The following PMFBP1 variants were observed in gnomAD, a reference collection of about 807,000 sequenced individuals.
PMFBP1 encodes the protein polyamine modulated factor 1 binding protein 1.
PMFBP1 carries 131 observed loss-of-function variants against 137.8 expected under a neutral mutation model. The observed-to-expected ratio is 0.95, with a 90% CI of 0.82 to 1.10. PMFBP1 has a LOEUF of 1.10. Ranked by LOEUF, PMFBP1 falls within the 50% of genes least tolerant of loss-of-function variation. PMFBP1 has a pLI of 0.00. For synonymous variants in PMFBP1, 490 were observed against 450.4 expected, an observed-to-expected ratio of 1.09 and a Z score of -1.11; for missense variants, 1,199 against 1,175.4, an observed-to-expected ratio of 1.02 and a Z score of -0.29.
intron 19 of PMFBP1, among the ~76,000 whole-genome samples, chr16:72,120,790 T>A (rs184915055): frequency 6.6e-6 from 1 of 152,208 alleles, no homozygotes. Context: ...CACGTTGGAA[T>A]TGTGACTCTG....
the PMFBP1 span, among the ~76,000 whole-genome samples, chr16:72,219,210 T>C: frequency 7.9e-5 from 12 of 152,206 alleles, no homozygotes; most frequent in African/African-American, 2.9e-4. Context: ...GATGTATTAC[T>C]GAGGATTGTG....
chr16:72,145,787 G>T (rs1237517234), intron 5 of PMFBP1, among the ~76,000 whole-genome samples: 1 of 152,280 alleles, frequency 6.6e-6, no homozygotes, highest in South Asian at 2.1e-4. Context: ...TAGAAGAAAT[G>T]GATAAATTCC....
the PMFBP1 span, among the ~76,000 whole-genome samples, chr16:72,206,484 T>C: frequency 6.6e-6 from 1 of 152,200 alleles, no homozygotes; most frequent in Non-Finnish European, 1.5e-5. Context: ...TCAGGAACAA[T>C]GCACTGAAAT....
At position 72,123,670 on chromosome 16, in the gene PMFBP1, G is replaced by A. The variant is rs1418331060; in HGVS notation, c.2590-21C>T. On this transcript the variant is annotated intron_variant, in intron 17 of 20. Coordinates refer to ENST00000237353, the MANE Select transcript of PMFBP1 (RefSeq NM_031293.3). ...CAGGGCTTGGGTACAAGAAGAAAAC[G>A]AGACAGTCAGAGGTGGGAGCACAGG... 1.4e-5 allele frequency: 23 copies of A among 1,605,142 alleles called. 1 individual carries two copies. In the East Asian group the frequency reaches 1.6e-4, roughly 11 times the overall value.
chr16:72,149,878 G>C (rs548199581), intron 5 of PMFBP1, among the ~76,000 whole-genome samples: 30 of 152,096 alleles, frequency 2.0e-4, no homozygotes, highest in South Asian at 4.1e-4. Flanking sequence ...ATTTATATAT[G>C]TAACTGTATA....
the PMFBP1 span, among the ~76,000 whole-genome samples, chr16:72,202,675 C>T: frequency 6.6e-6 from 1 of 152,196 alleles, no homozygotes; most frequent in Admixed American, 6.5e-5. Flanking sequence ...ACTGCACTAG[C>T]TCTGGTGCCA....
In PMFBP1 at chr16:72,130,522, AG is replaced by A; in HGVS notation, c.1637+10del. 2 of 1,613,894 alleles carry A rather than the reference AG, an allele frequency of 1.2e-6. No homozygotes were observed. Among genetic ancestry groups the A allele is most frequent in the Non-Finnish European group, 8.5e-7 (1 of 1,179,888 alleles). The stretch of plus-strand genomic sequence containing the variant: ...GAACCTCTCTCTGGAGGGGAGCCTG[AG>A]CCTGGGCACCTGTTGGAGGTTTGTT... On this transcript the variant is annotated intron_variant, in intron 11 of 20. Transcript: ENST00000237353.
intron 6 of PMFBP1, 63 bp from the exon 7 acceptor site, chr16:72,139,462 A>G (rs144273263): frequency 2.5e-6 from 3 of 1,221,962 alleles, no homozygotes; most frequent in Non-Finnish European, 3.6e-6. Flanking sequence ...TACCATGACT[A>G]TTATTTCAGA....
At chr16:72,176,051 T>C (rs373662207), upstream of PMFBP1, among the ~76,000 whole-genome samples, 7 of 151,790 alleles carry the variant, frequency 4.6e-5, no homozygotes, top group South Asian at 2.1e-4. Context: ...TAGGGGGAGA[T>C]GGTATGAGGA....
rs7186117 is a variant in PMFBP1 at position 72,119,336 on chromosome 16, T to A, written c.*2A>T. On this transcript the variant is annotated 3_prime_UTR_variant, in exon 21 of 21. Transcript: ENST00000237353. The stretch of plus-strand genomic sequence containing the variant: ...AATGCTGCTCAGGGCTAGATGTGGA[T>A]TCTAGCAGTATGAGGAACCTGAGGG... 7.7e-3 allele frequency: 12,352 copies of A among 1,613,584 alleles called. 825 individuals carry two copies. In the African/African-American group the frequency reaches 0.15, roughly 19 times the overall value.
the PMFBP1 span, among the ~76,000 whole-genome samples, chr16:72,225,797 TCA>T: frequency 6.6e-6 from 1 of 151,380 alleles, no homozygotes; most frequent in Non-Finnish European, 1.5e-5. Context: ...ATAATCCTTT[TCA>T]CATAGCCCAT....
the PMFBP1 span, among the ~76,000 whole-genome samples, chr16:72,183,001 G>T: frequency 6.6e-6 from 1 of 152,008 alleles, no homozygotes; most frequent in Non-Finnish European, 1.5e-5. Context: ...ATTCTGCCCT[G>T]CCAGGTCCCC....
At chr16:72,174,850 T>C (rs984587587), upstream of PMFBP1, among the ~76,000 whole-genome samples, 1 of 152,172 alleles carries the variant, frequency 6.6e-6, no homozygotes, top group Non-Finnish European at 1.5e-5. Context: ...TCACAACACA[T>C]GGGGATTGTG....
the PMFBP1 span, among the ~76,000 whole-genome samples, chr16:72,249,913 T>C: frequency 4.6e-5 from 4 of 87,878 alleles, no homozygotes; most frequent in African/African-American, 2.0e-4. Context: ...ACAGCGAGAC[T>C]CCATCGCAAA....
chr16:72,212,482 G>GGA, the PMFBP1 span, among the ~76,000 whole-genome samples: 2 of 136,510 alleles, frequency 1.5e-5, no homozygotes, highest in Admixed American at 7.1e-5. Context: ...GGGTTGTATT[G>GGA]GAAAAAAAAA....
upstream of PMFBP1, among the ~76,000 whole-genome samples, chr16:72,172,818 T>TA (rs747283759): frequency 2.6e-5 from 4 of 152,086 alleles, no homozygotes; most frequent in East Asian, 5.8e-4. Flanking sequence ...ACTTTGTTGC[T>TA]AAAAAAATGC....
intron 2 of PMFBP1, among the ~76,000 whole-genome samples, chr16:72,168,039 T>C (rs895373698): frequency 3.3e-5 from 5 of 152,246 alleles, no homozygotes; most frequent in African/African-American, 9.6e-5. Flanking sequence ...ATACAGATGA[T>C]CTCATCTAAT....
intron 2 of PMFBP1, among the ~76,000 whole-genome samples, chr16:72,168,137 T>C (rs1162770870): frequency 2.0e-5 from 3 of 152,238 alleles, no homozygotes; most frequent in Non-Finnish European, 4.4e-5. Context: ...TCTTTGAATA[T>C]TCCTTAAACC....
At chr16:72,213,395 C>G in the PMFBP1 span, among the ~76,000 whole-genome samples, 1 of 152,218 alleles carries the variant, frequency 6.6e-6, no homozygotes, top group Non-Finnish European at 1.5e-5. Context: ...GGCTTCCATC[C>G]TGCTCTCTCA....
Sources: allele counts gnomAD v4.1 joint callset (sites outside exome capture counted in the v4.1 genomes callset), GRCh38; gene constraint gnomAD v4.1.1; transcripts MANE v1.5; gene names NCBI Gene and HGNC (gene_info 2026-07-23, HGNC 2026-07-21).